ETV6: variants seen among roughly 807,000 people sequenced by gnomAD.
ETV6 encodes transcription factor ETV6.
In ETV6, 16 loss-of-function variants were observed where a neutral mutation model predicts 51.1. That is an observed-to-expected ratio of 0.31 (90% CI 0.21 to 0.48). The LOEUF is 0.48. Among genes scored for constraint, ETV6 ranks in the 20% least tolerant of loss-of-function variants. ETV6 has a pLI of 0.99. For synonymous variants in ETV6, 240 were observed against 224.1 expected, an observed-to-expected ratio of 1.07 and a Z score of -0.64; for missense variants, 458 against 594.8, an observed-to-expected ratio of 0.77 and a Z score of 2.39.
intron 5 of ETV6, among the ~76,000 whole-genome samples, chr12:11,878,735 C>T (rs1311779721): frequency 6.6e-6 from 1 of 151,540 alleles, no homozygotes; most frequent in Non-Finnish European, 1.5e-5. Flanking sequence ...ATTGTAAACA[C>T]ACCTCTGCGT....
In ETV6 at chr12:11,872,292, A is replaced by G. The variant is rs535118965; in HGVS notation, c.1009+2323A>G. ...CCCTTGCTGCCCGTGGCTGCTGTCC[A>G]TAGTGCTGCCCTCGTGGGCCTGGCT... On this transcript the variant is annotated intron_variant, in intron 5 of 7. Coordinates refer to ENST00000396373, the MANE Select transcript of ETV6 (RefSeq NM_001987.5). Among the ~76,000 whole-genome samples the G allele has an allele frequency of 3.3e-5, 5 of 152,284 alleles. 1 individual carries two copies. The highest frequency in any genetic ancestry group is 9.6e-5 in the African/African-American group (4 of 41,568).
At chr12:11,683,967 A>C (rs1864581135) in intron 1 of ETV6, among the ~76,000 whole-genome samples, 2 of 151,976 alleles carry the variant, frequency 1.3e-5, no homozygotes, top group African/African-American at 2.4e-5. Context: ...TGAAAGCCTG[A>C]CTTTTCTAAA....
intron 2 of ETV6, among the ~76,000 whole-genome samples, chr12:11,795,371 T>C (rs1196599642): frequency 2.0e-5 from 3 of 152,232 alleles, no homozygotes; most frequent in Admixed American, 6.5e-5. Flanking sequence ...TCTGATTCCC[T>C]ATCCTTGGAA....
At chr12:11,765,482 A>AAACACAG (rs1338065682) in intron 2 of ETV6, among the ~76,000 whole-genome samples, 3 of 149,406 alleles carry the variant, frequency 2.0e-5, no homozygotes, top group African/African-American at 7.4e-5. Flanking sequence ...TAATGAAGTG[A>AAACACAG]TTTTAAATGG....
intron 2 of ETV6, among the ~76,000 whole-genome samples, chr12:11,836,793 C>T (rs1946323313): frequency 6.6e-6 from 1 of 152,022 alleles, no homozygotes; most frequent in Non-Finnish European, 1.5e-5. Flanking sequence ...TCTGTATTTG[C>T]TTTGGGGCCC....
At chr12:11,752,684 A>G in intron 2 of ETV6, 105 bp downstream of exon 2, 3 of 1,410,414 alleles carry the variant, frequency 2.1e-6, no homozygotes, top group South Asian at 1.4e-5. Context: ...GGTGGTTTTC[A>G]CAGGACTTCG....
At chr12:11,774,001 G>T (rs1255663650) in intron 2 of ETV6, among the ~76,000 whole-genome samples, 1 of 152,184 alleles carries the variant, frequency 6.6e-6, no homozygotes, top group Non-Finnish European at 1.5e-5. Context: ...AGCGGGCAGA[G>T]ACTGGCTGTT....
intron 1 of ETV6, among the ~76,000 whole-genome samples, chr12:11,732,679 A>G (rs1865624095): frequency 6.6e-6 from 1 of 152,076 alleles, no homozygotes; most frequent in Non-Finnish European, 1.5e-5. Flanking sequence ...CATCCGACAC[A>G]CAGACCACCC....
rs1947321336 is a variant in ETV6, at chr12:11,893,155, T to TTCTA, written c.*2113_*2116dup. 4 of 232,752 alleles carry TTCTA rather than the reference T, an allele frequency of 1.7e-5. No homozygotes were observed. Among genetic ancestry groups the TTCTA allele is most frequent in the South Asian group, 1.8e-4 (1 of 5,524 alleles). 14.4% of individuals were successfully genotyped at this position (232,752 alleles called of 1,614,324 possible). Reference sequence around the variant, plus strand: ...ATTTCAGCCTCTAAGATGACTGGTATTCTATCTGAAATGCAGAGATTAAGC... The same window carrying TTCTA: ...ATTTCAGCCTCTAAGATGACTGGTATTCTATCTATCTGAAATGCAGAGATTAAGC... On this transcript the variant is annotated 3_prime_UTR_variant, in exon 8 of 8. Coordinates refer to ENST00000396373, the MANE Select transcript of ETV6 (RefSeq NM_001987.5).
At chr12:11,677,686 C>A (rs1864446867) in intron 1 of ETV6, among the ~76,000 whole-genome samples, 1 of 152,210 alleles carries the variant, frequency 6.6e-6, no homozygotes, top group Non-Finnish European at 1.5e-5. Flanking sequence ...AAGTGGCTTG[C>A]TGTGTAATGT....
At chr12:11,819,367 C>T (rs960320078) in intron 2 of ETV6, among the ~76,000 whole-genome samples, 5 of 152,200 alleles carry the variant, frequency 3.3e-5, no homozygotes, top group African/African-American at 9.7e-5. Context: ...TTTAAGAATA[C>T]ACCTTTTCTA....
intron 2 of ETV6, among the ~76,000 whole-genome samples, chr12:11,823,361 A>G (rs1363942472): frequency 1.3e-5 from 2 of 152,134 alleles, no homozygotes; most frequent in Admixed American, 6.5e-5. Flanking sequence ...AAAATTTCAT[A>G]GTTCTGACAT....
chr12:11,728,452 C>T (rs181436214), intron 1 of ETV6, among the ~76,000 whole-genome samples: 2 of 148,066 alleles, frequency 1.4e-5, no homozygotes, highest in Admixed American at 6.7e-5. Flanking sequence ...CGTAAGAGCA[C>T]GAACCCTGTT....
intron 1 of ETV6, among the ~76,000 whole-genome samples, chr12:11,713,316 T>A (rs1842466578): frequency 6.6e-6 from 1 of 152,236 alleles, no homozygotes; most frequent in East Asian, 1.9e-4. Context: ...AATCACCTTT[T>A]TAGATTTAAA....
At chr12:11,810,270 G>A (rs990463144) in intron 2 of ETV6, among the ~76,000 whole-genome samples, 1 of 152,118 alleles carries the variant, frequency 6.6e-6, no homozygotes, top group Non-Finnish European at 1.5e-5. Context: ...CTTTCTAGAT[G>A]GACTTTCAAG....
chr12:11,864,093 A>G (rs1008844938), intron 4 of ETV6, among the ~76,000 whole-genome samples: 1 of 152,248 alleles, frequency 6.6e-6, no homozygotes, highest in Non-Finnish European at 1.5e-5. Context: ...GAGTTGGATT[A>G]TCCAAAGCAC....
At chr12:11,778,297 C>T (rs1170702364) in intron 2 of ETV6, among the ~76,000 whole-genome samples, 1 of 152,216 alleles carries the variant, frequency 6.6e-6, no homozygotes, top group Non-Finnish European at 1.5e-5. Flanking sequence ...GGCAGCCTGG[C>T]GAGCGCACAC....
chr12:11,668,393 CTGTTT>C (rs952271579), intron 1 of ETV6, among the ~76,000 whole-genome samples: 3 of 146,168 alleles, frequency 2.1e-5, no homozygotes, highest in Non-Finnish European at 2.9e-5. Flanking sequence ...GGACTTCGCA[CTGTTT>C]TGTTTTTTTT....
chr12:11,778,187 T>G (rs1430183506), intron 2 of ETV6, among the ~76,000 whole-genome samples: 1 of 152,228 alleles, frequency 6.6e-6, no homozygotes, highest in Non-Finnish European at 1.5e-5. Flanking sequence ...GATGCTTATC[T>G]CATGCAGTTA....
Sources: allele counts gnomAD v4.1 joint callset (sites outside exome capture counted in the v4.1 genomes callset), GRCh38; gene constraint gnomAD v4.1.1; transcripts MANE v1.5; gene names NCBI Gene and HGNC (gene_info 2026-07-23, HGNC 2026-07-21).